RPS6KC1: variants seen among roughly 807,000 people sequenced by gnomAD.
RPS6KC1 encodes inactive ribosomal protein S6 kinase delta-1.
Under a neutral mutation model 103.8 loss-of-function variants are expected in RPS6KC1, and 54 were observed. The observed-to-expected ratio is 0.52, with a 90% CI of 0.42 to 0.65. The LOEUF (loss-of-function observed/expected upper bound fraction) is 0.65, where lower values mean the gene tolerates loss of function less well. RPS6KC1 is among the 30% of genes least tolerant of loss of function. The probability of loss-of-function intolerance (pLI) is 0.00; values close to 1 mark genes in which losing one functional copy is unlikely to be tolerated. For missense variants in RPS6KC1, 1,151 were observed against 1,253.8 expected (o/e 0.92, Z 1.24); for synonymous variants, 439 against 438.7 (o/e 1.00, Z -0.01).
the RPS6KC1 span, among the ~76,000 whole-genome samples, chr1:213,407,446 T>A: frequency 6.6e-6 from 1 of 152,152 alleles, no homozygotes; most frequent in Non-Finnish European, 1.5e-5. Context: ...GCGGAAATCA[T>A]CCCTGACATC....
the RPS6KC1 span, among the ~76,000 whole-genome samples, chr1:213,582,004 A>G: frequency 6.6e-6 from 1 of 151,430 alleles, no homozygotes; most frequent in Non-Finnish European, 1.5e-5. Context: ...ACCTGCCCAC[A>G]TTGCAACATT....
chr1:213,855,718 T>C, the RPS6KC1 span, among the ~76,000 whole-genome samples: 2 of 152,342 alleles, frequency 1.3e-5, no homozygotes, highest in South Asian at 2.1e-4. Flanking sequence ...TGCAAATCAC[T>C]GCTCCTTGGC....
chr1:213,640,255 A>G, the RPS6KC1 span, among the ~76,000 whole-genome samples: 2 of 151,698 alleles, frequency 1.3e-5, no homozygotes, highest in South Asian at 4.2e-4. Context: ...CCCCTATTTC[A>G]TTCCTGATAT....
At chr1:213,668,739 A>C in the RPS6KC1 span, among the ~76,000 whole-genome samples, 2 of 152,236 alleles carry the variant, frequency 1.3e-5, no homozygotes, top group South Asian at 4.2e-4. Flanking sequence ...TCCATTGAAA[A>C]TCTATTGTTT....
chr1:213,429,573 TC>T, the RPS6KC1 span, among the ~76,000 whole-genome samples: 3 of 152,206 alleles, frequency 2.0e-5, no homozygotes, highest in African/African-American at 7.2e-5. Context: ...GAATTCAGTA[TC>T]ATCACCTCTT....
chr1:213,353,870 T>C, the RPS6KC1 span, among the ~76,000 whole-genome samples: 1 of 152,140 alleles, frequency 6.6e-6, no homozygotes, highest in South Asian at 2.1e-4. Context: ...TGCTTCCCTA[T>C]GCTGTGTTCA....
chr1:213,368,675 G>A, the RPS6KC1 span, among the ~76,000 whole-genome samples: 1 of 152,192 alleles, frequency 6.6e-6, no homozygotes, highest in Non-Finnish European at 1.5e-5. Context: ...AGGGGAAATG[G>A]CAGCAAAAAT....
chr1:213,229,351 T>G (rs1222708741), intron 8 of RPS6KC1, among the ~76,000 whole-genome samples: 4 of 152,164 alleles, frequency 2.6e-5, no homozygotes, highest in African/African-American at 9.7e-5. Context: ...CCTTAAATTC[T>G]GTCTTTCCTT....
At chr1:213,168,781 C>T (rs1411056022) in intron 7 of RPS6KC1, among the ~76,000 whole-genome samples, 2 of 151,986 alleles carry the variant, frequency 1.3e-5, no homozygotes, top group Non-Finnish European at 2.9e-5. Flanking sequence ...CACCACATGC[C>T]CGGCTAACTT....
At chr1:213,572,748 G>C in the RPS6KC1 span, among the ~76,000 whole-genome samples, 2 of 152,194 alleles carry the variant, frequency 1.3e-5, no homozygotes, top group Middle Eastern at 6.4e-3. Flanking sequence ...GGATGTTAGG[G>C]AGATGAAGGC....
the RPS6KC1 span, among the ~76,000 whole-genome samples, chr1:213,527,319 T>G: frequency 6.6e-6 from 1 of 152,220 alleles, no homozygotes; most frequent in Non-Finnish European, 1.5e-5. Context: ...TGGTCTTGTT[T>G]GACCTTTGCA....
the RPS6KC1 span, among the ~76,000 whole-genome samples, chr1:213,532,861 T>C: frequency 1.3e-5 from 2 of 152,192 alleles, no homozygotes; most frequent in Admixed American, 1.3e-4. Flanking sequence ...CTACAGGTAC[T>C]GTGGGGAACA....
the RPS6KC1 span, among the ~76,000 whole-genome samples, chr1:213,544,721 C>T: frequency 6.6e-6 from 1 of 152,346 alleles, no homozygotes; most frequent in South Asian, 2.1e-4. Flanking sequence ...AGCCTCCTGA[C>T]CTGCCACTTC....
intron 12 of RPS6KC1, among the ~76,000 whole-genome samples, chr1:213,244,840 A>T (rs1267249091): frequency 6.6e-6 from 1 of 152,186 alleles, no homozygotes; most frequent in Admixed American, 6.5e-5. Flanking sequence ...TAGCATTTGA[A>T]AAAAGCTGTA....
chr1:213,453,749 C>G, the RPS6KC1 span, among the ~76,000 whole-genome samples: 1 of 152,120 alleles, frequency 6.6e-6, no homozygotes, highest in Admixed American at 6.6e-5. Flanking sequence ...AACTGAAGGA[C>G]TGAGAATGGG....
At chr1:213,564,586 C>G in the RPS6KC1 span, among the ~76,000 whole-genome samples, 29 of 152,294 alleles carry the variant, frequency 1.9e-4, no homozygotes, top group Middle Eastern at 3.4e-3. Context: ...GCTCTTGTAG[C>G]TCAGTAGTGG....
At chr1:213,162,285 C>T (rs1479223139) in intron 6 of RPS6KC1, among the ~76,000 whole-genome samples, 1 of 152,090 alleles carries the variant, frequency 6.6e-6, no homozygotes, top group Non-Finnish European at 1.5e-5. Context: ...AAGAGACTGG[C>T]CATTTTTATT....
intron 14 of RPS6KC1, among the ~76,000 whole-genome samples, chr1:213,263,787 A>G (rs1458516094): frequency 6.6e-6 from 1 of 152,218 alleles, no homozygotes; most frequent in Non-Finnish European, 1.5e-5. Context: ...CCACATGGAA[A>G]TTGATAAAGG....
chr1:213,170,277 A>C (rs574152973), intron 7 of RPS6KC1, among the ~76,000 whole-genome samples: 37 of 152,342 alleles, frequency 2.4e-4, no homozygotes, highest in Admixed American at 2.3e-3. Context: ...TATAGTTTTA[A>C]CTAGAAGAAT....
Sources: allele counts gnomAD v4.1 joint callset (sites outside exome capture counted in the v4.1 genomes callset), GRCh38; gene constraint gnomAD v4.1.1; transcripts MANE v1.5; gene names NCBI Gene and HGNC (gene_info 2026-07-23, HGNC 2026-07-21).